The following DAPK3 variants were observed in gnomAD, a reference collection of about 807,000 sequenced individuals.
The protein encoded by DAPK3 is death associated protein kinase 3.
DAPK3 carries 24 observed loss-of-function variants against 30.6 expected under a neutral mutation model. The observed-to-expected ratio is 0.78, with a 90% CI of 0.57 to 1.10. The LOEUF (loss-of-function observed/expected upper bound fraction) is 1.10, where lower values mean the gene tolerates loss of function less well. Ranked by LOEUF, DAPK3 falls within the 50% of genes least tolerant of loss-of-function variation. DAPK3 has a pLI of 0.00. For missense variants in DAPK3, 629 were observed against 657.3 expected, an observed-to-expected ratio of 0.96 and a Z score of 0.47; for synonymous variants, 341 against 284.0, an observed-to-expected ratio of 1.20 and a Z score of -2.02.
rs369564445 is a variant in DAPK3, at chr19:3,964,654, G to T, written c.400C>A (p.Arg134Ser). 3 of 1,610,748 alleles carry T rather than the reference G, an allele frequency of 1.9e-6. No homozygotes were observed. In the South Asian group the frequency reaches 3.3e-5, roughly 18 times the overall value. The change falls in exon 3 of 9, where the codon CGC becomes AGC. Residue 134 changes from arginine to serine, a missense_variant. Physicochemically the swap from Arg to Ser is moderately radical, Grantham distance 110. Transcript: ENST00000545797. ...LDGVHYLHSKRIAHFDLKPEN... is the reference protein window; with the variant it reads ...LDGVHYLHSKSIAHFDLKPEN... Reference sequence around the variant, plus strand: ...ACCTTCAGGTCAAAGTGTGCGATGCGCTTAGAGTGCAGGTAGTGAACGCCG... The same window carrying T: ...ACCTTCAGGTCAAAGTGTGCGATGCTCTTAGAGTGCAGGTAGTGAACGCCG...
chr19:3,963,199 G>A (rs1296395334), intron 6 of DAPK3, among the ~76,000 whole-genome samples: 1 of 152,064 alleles, frequency 6.6e-6, no homozygotes, highest in African/African-American at 2.4e-5. Flanking sequence ...CTTAAGTCTG[G>A]GAGGTGGAGG....
At chr19:3,960,759 G>C (rs971545107) in intron 7 of DAPK3, among the ~76,000 whole-genome samples, 6 of 148,782 alleles carry the variant, frequency 4.0e-5, no homozygotes, top group African/African-American at 1.5e-4. Context: ...ACTCCAGCCT[G>C]GGAGACAGAG....
Position 3,969,843 on chromosome 19 carries a change from G to C in DAPK3, c.-94-14C>G. On this transcript the variant is annotated splice_polypyrimidine_tract_variant and intron_variant, in intron 1 of 8. Transcript: ENST00000545797. ...CTAATGGCAACCCTGGAGAAGACAG[G>C]GAAAGACAGAAGTGAGGAACTGAGA... 1.3e-6 allele frequency: 1 copy of C among 749,454 alleles called. No homozygotes were observed. The highest frequency in any genetic ancestry group is 1.5e-5 in the South Asian group (1 of 67,142). The allele number at this position is 749,454 out of a possible 1,614,324, so 46.4% of individuals were successfully genotyped here.
intron 6 of DAPK3, among the ~76,000 whole-genome samples, chr19:3,962,368 C>T (rs1029844244): frequency 5.9e-5 from 9 of 152,260 alleles, no homozygotes; most frequent in Non-Finnish European, 1.2e-4. Context: ...GGTCCGCTCA[C>T]GCACTACAGC....
intron 7 of DAPK3, among the ~76,000 whole-genome samples, 188 bp downstream of exon 7, chr19:3,960,821 A>AC (rs1251982415): frequency 1.1e-4 from 17 of 151,222 alleles, no homozygotes; most frequent in Non-Finnish European, 1.6e-4. Flanking sequence ...AAAAAAAAAA[A>AC]AAACCATGGC....
intron 2 of DAPK3, among the ~76,000 whole-genome samples, chr19:3,968,766 C>T (rs2039605013): frequency 6.6e-6 from 1 of 152,190 alleles, no homozygotes; most frequent in Non-Finnish European, 1.5e-5. Flanking sequence ...AGCACTCTCC[C>T]TAGCCTGACA....
rs138911063 is a variant in DAPK3, at chr19:3,960,168, T to G, written c.783-64A>C. On this transcript the variant is annotated intron_variant, in intron 7 of 8. Coordinates refer to ENST00000545797, the MANE Select transcript of DAPK3 (RefSeq NM_001348.3). ...TCTGTCCCGTCCTCCCGTGAACAAC[T>G]GACTCCCGGGACCCCCAAAAGCCCT... The G allele has an allele frequency of 1.0e-3, 895 of 899,000 alleles. 11 individuals are homozygous for G. The African/African-American group carries it at 0.013, about 13-fold the overall frequency. The allele number at this position is 899,000 out of a possible 1,614,324, so 55.7% of individuals were successfully genotyped here.
chr19:3,961,321 C>A, intron 6 of DAPK3, 160 bp from the exon 7 acceptor site: 1 of 735,668 alleles, frequency 1.4e-6, no homozygotes, highest in Non-Finnish European at 2.5e-6. Context: ...TGCAACGATC[C>A]CAGACACCAC....
chr19:3,963,073 C>T (rs1220105098), intron 6 of DAPK3, among the ~76,000 whole-genome samples: 3 of 150,650 alleles, frequency 2.0e-5, no homozygotes, highest in Non-Finnish European at 4.4e-5. Flanking sequence ...CCACTGCACT[C>T]CAACCTGGAC....
intron 7 of DAPK3, 45 bp from the exon 8 acceptor site, chr19:3,960,149 C>A: frequency 9.0e-7 from 1 of 1,113,788 alleles, no homozygotes; most frequent in Non-Finnish European, 1.4e-6. Flanking sequence ...ACCATCTGTC[C>A]CGTCCTCCCG....
At chr19:3,964,064 G>C in intron 4 of DAPK3, 145 bp from the exon 5 acceptor site, 1 of 808,880 alleles carries the variant, frequency 1.2e-6, no homozygotes, top group Non-Finnish European at 2.0e-6. Flanking sequence ...GGGCCTGACG[G>C]GTAGGACAGC....
chr19:3,961,470 G>C (rs780153434), intron 6 of DAPK3: 3 of 555,758 alleles, frequency 5.4e-6, no homozygotes, highest in Non-Finnish European at 1.1e-5. Context: ...AACGCCGAGG[G>C]GAGGGTAACT....
chr19:3,959,696 C>A, intron 8 of DAPK3, 59 bp from the exon 9 acceptor site: 1 of 1,479,190 alleles, frequency 6.8e-7, no homozygotes, highest in South Asian at 1.3e-5. Context: ...CCGCCAGCCC[C>A]CACCTGCCAG....
chr19:3,959,985 C>T (rs1318506482), intron 8 of DAPK3, 74 bp downstream of exon 8: 5 of 872,596 alleles, frequency 5.7e-6, no homozygotes, highest in Non-Finnish European at 9.9e-6. Context: ...GCCTTAAATG[C>T]TGAAGGCCCC....
chr19:3,958,524 C>A lies in DAPK3; in HGVS notation c.*577G>T, dbSNP rs1421347502. 1 of 456,730 alleles carries A rather than the reference C, an allele frequency of 2.2e-6. No homozygotes were observed. Among genetic ancestry groups the A allele is most frequent in the African/African-American group, 2.0e-5 (1 of 50,110 alleles). The allele number at this position is 456,730 out of a possible 1,614,324, so 28.3% of individuals were successfully genotyped here. A position where few individuals can be genotyped will look rare whatever the true frequency, so the allele number is the denominator to read the frequency against. ...CTTGCCTAGGCGTCCACAGGCGCGA[C>A]GATGGGGCTCGCGGAGGAGTCCGCA... is the stretch of plus-strand genomic sequence containing the variant. On this transcript the variant is annotated 3_prime_UTR_variant, in exon 9 of 9. Coordinates refer to ENST00000545797, the MANE Select transcript of DAPK3 (RefSeq NM_001348.3).
chr19:3,965,780 T>A (rs1820647254), intron 2 of DAPK3, among the ~76,000 whole-genome samples: 1 of 151,944 alleles, frequency 6.6e-6, no homozygotes, highest in Non-Finnish European at 1.5e-5. Flanking sequence ...TCCTCCTGCC[T>A]CAGCCTCTCA....
intron 8 of DAPK3, 191 bp from the exon 9 acceptor site, chr19:3,959,828 G>A (rs777088963): frequency 5.4e-4 from 378 of 700,594 alleles, no homozygotes; most frequent in Non-Finnish European, 8.1e-4. Context: ...CTGGCCCCAG[G>A]AGTCAGCCCC....
intron 2 of DAPK3, among the ~76,000 whole-genome samples, chr19:3,966,979 G>C (rs1044943809): frequency 1.3e-5 from 2 of 152,216 alleles, no homozygotes; most frequent in African/African-American, 4.8e-5. Context: ...CACCCTCTTC[G>C]CTTCTCTGTA....
chr19:3,960,996 C>G lies in DAPK3; in HGVS notation c.782+13G>C. 6.2e-7 allele frequency: 1 copy of G among 1,612,464 alleles called. No individual in the cohort carries two copies. Among genetic ancestry groups the G allele is most frequent in the Non-Finnish European group, 8.5e-7 (1 of 1,179,324 alleles). ...CCATGTCCCACCCCGTGCCCCCTGC[C>G]GGCCCCTCGTACTTGGGATCTTTGA... is the stretch of plus-strand genomic sequence containing the variant. On this transcript the variant is annotated intron_variant, in intron 7 of 8. Coordinates refer to ENST00000545797, the MANE Select transcript of DAPK3 (RefSeq NM_001348.3).
Sources: gnomAD v4.1 joint callset for allele counts (sites outside exome capture counted in the v4.1 genomes callset) on GRCh38, gnomAD v4.1.1 for gene constraint, MANE v1.5 for transcripts, NCBI Gene and HGNC (gene_info 2026-07-23, HGNC 2026-07-21) for gene names.